The following LRRC7 variants were observed in gnomAD, a reference collection of about 807,000 sequenced individuals.
LRRC7 encodes leucine rich repeat containing 7.
LRRC7 carries 23 observed loss-of-function variants against 175.7 expected under a neutral mutation model. The observed-to-expected ratio is 0.13, with a 90% CI of 0.09 to 0.19. The LOEUF (loss-of-function observed/expected upper bound fraction) is 0.19, where lower values mean the gene tolerates loss of function less well. LRRC7 is among the 10% of genes least tolerant of loss of function. The probability of loss-of-function intolerance (pLI) is 1.00; values close to 1 mark genes in which losing one functional copy is unlikely to be tolerated. For synonymous variants in LRRC7, 685 were observed against 680.9 expected, an observed-to-expected ratio of 1.01 and a Z score of -0.09; for missense variants, 1,354 against 1,904.7, an observed-to-expected ratio of 0.71 and a Z score of 5.38.
At chr1:70,075,634 G>A (rs1662717933) in intron 23 of LRRC7, among the ~76,000 whole-genome samples, 1 of 152,160 alleles carries the variant, frequency 6.6e-6, no homozygotes. Context: ...TTACTCATCT[G>A]AACAAACTTA....
intron 7 of LRRC7, among the ~76,000 whole-genome samples, chr1:69,925,704 G>A (rs1165124584): frequency 1.3e-5 from 2 of 151,950 alleles, no homozygotes; most frequent in African/African-American, 4.8e-5. Context: ...TTCTTTATTA[G>A]TCTTGCTAGC....
At chr1:70,095,969 T>C (rs745876678) in intron 25 of LRRC7, among the ~76,000 whole-genome samples, 13 of 151,966 alleles carry the variant, frequency 8.6e-5, no homozygotes, top group Admixed American at 3.9e-4. Context: ...GTTGTTTTTT[T>C]TGTTTTTTTT....
At chr1:70,046,582 C>G (rs1660348357) in intron 22 of LRRC7, among the ~76,000 whole-genome samples, 1 of 152,042 alleles carries the variant, frequency 6.6e-6, no homozygotes, top group Non-Finnish European at 1.5e-5. Context: ...ATGCATTACT[C>G]CAAAAGATTT....
intron 7 of LRRC7, among the ~76,000 whole-genome samples, chr1:69,918,675 A>T (rs1302092203): frequency 6.6e-6 from 1 of 152,216 alleles, no homozygotes; most frequent in African/African-American, 2.4e-5. Context: ...AATATTTTAA[A>T]GGTACAAAAC....
intron 3 of LRRC7, among the ~76,000 whole-genome samples, chr1:69,773,461 CTG>C (rs1672464523): frequency 6.6e-6 from 1 of 152,124 alleles, no homozygotes; most frequent in South Asian, 2.1e-4. Context: ...AAGTGACAAA[CTG>C]AGAGGGTGAG....
chr1:69,597,369 A>G (rs1646884176), intron 1 of LRRC7, among the ~76,000 whole-genome samples: 1 of 152,182 alleles, frequency 6.6e-6, no homozygotes, highest in Non-Finnish European at 1.5e-5. Flanking sequence ...ACCTGTCTGA[A>G]GAATCATTAC....
At chr1:70,116,468 G>A (rs1236841197) in intron 26 of LRRC7, among the ~76,000 whole-genome samples, 1 of 150,052 alleles carries the variant, frequency 6.7e-6, no homozygotes, top group Admixed American at 6.7e-5. Context: ...AATGGCGTGA[G>A]CCCGGGAGGC....
chr1:69,750,137 GC>G (rs1264896192), intron 2 of LRRC7, among the ~76,000 whole-genome samples: 1 of 151,370 alleles, frequency 6.6e-6, no homozygotes, highest in Non-Finnish European at 1.5e-5. Context: ...TGAATGTCAA[GC>G]TAAAGAATCT....
At chr1:69,763,509 G>A (rs1671265807) in intron 3 of LRRC7, among the ~76,000 whole-genome samples, 1 of 152,018 alleles carries the variant, frequency 6.6e-6, no homozygotes, top group African/African-American at 2.4e-5. Flanking sequence ...GCTACTATAA[G>A]AAAAGTGGGA....
intron 8 of LRRC7, among the ~76,000 whole-genome samples, chr1:69,963,706 A>AT (rs1353899432): frequency 6.6e-6 from 1 of 152,196 alleles, no homozygotes; most frequent in Non-Finnish European, 1.5e-5. Context: ...TTACTCTTAA[A>AT]TTTAGATTCA....
At chr1:69,869,408 G>GT (rs1406442646) in intron 7 of LRRC7, among the ~76,000 whole-genome samples, 1 of 151,804 alleles carries the variant, frequency 6.6e-6, no homozygotes, top group Non-Finnish European at 1.5e-5. Context: ...ATCAATGAAG[G>GT]TTAAAAAAAA....
At chr1:69,603,123 A>ATG (rs143960989) in intron 1 of LRRC7, among the ~76,000 whole-genome samples, 13,889 of 151,990 alleles carry the variant, frequency 0.091, 1,142 homozygotes, top group African/African-American at 0.22. Context: ...TTTCCCCTTT[A>ATG]TGTCATTTCT....
chr1:69,712,199 C>T (rs1664830510), intron 2 of LRRC7, among the ~76,000 whole-genome samples: 10 of 151,704 alleles, frequency 6.6e-5, no homozygotes, highest in Admixed American at 5.9e-4. Flanking sequence ...AAGTGTACCC[C>T]CAACCAATGA....
chr1:69,576,362 T>C (rs924947688), intron 1 of LRRC7, among the ~76,000 whole-genome samples: 1 of 152,176 alleles, frequency 6.6e-6, no homozygotes, highest in African/African-American at 2.4e-5. Context: ...TCATTTATAT[T>C]TTTTCTAATG....
intron 1 of LRRC7, among the ~76,000 whole-genome samples, chr1:69,633,718 C>G (rs1036052336): frequency 6.6e-6 from 1 of 152,094 alleles, no homozygotes; most frequent in South Asian, 2.1e-4. Context: ...CATGAGCCAC[C>G]GTGCCCAGCC....
In LRRC7 at chr1:69,664,837, G is replaced by T. The variant is rs227118; in HGVS notation, c.3-13544G>T. 2.2e-3 allele frequency among the ~76,000 whole-genome samples: 330 copies of T among 152,188 alleles called. 1 individual carries two copies. The highest frequency in any genetic ancestry group is 4.0e-3 in the Non-Finnish European group (272 of 67,986). On this transcript the variant is annotated intron_variant, in intron 1 of 26. Coordinates refer to ENST00000651989, the MANE Select transcript of LRRC7 (RefSeq NM_001370785.2). ...GATCCTATTTGTCTGTTTGGGCTTG[G>T]TTGCCTGTGCTTTTGGGGTACTCTT...
intron 10 of LRRC7, among the ~76,000 whole-genome samples, chr1:69,987,673 A>T (rs1281395617): frequency 6.6e-6 from 1 of 152,216 alleles, no homozygotes; most frequent in East Asian, 1.9e-4. Context: ...GCCATATCCT[A>T]GGTAATCCAG....
intron 2 of LRRC7, among the ~76,000 whole-genome samples, chr1:69,698,364 A>G (rs1489767348): frequency 6.6e-6 from 1 of 152,220 alleles, no homozygotes; most frequent in Non-Finnish European, 1.5e-5. Flanking sequence ...TATACTGATG[A>G]CAGTCTATCT....
chr1:69,890,680 G>A (rs980170484), intron 7 of LRRC7, among the ~76,000 whole-genome samples: 1 of 152,314 alleles, frequency 6.6e-6, no homozygotes, highest in Admixed American at 6.5e-5. Flanking sequence ...TCCAAAGGAA[G>A]GCTATTTTAT....
Sources: allele counts gnomAD v4.1 joint callset (sites outside exome capture counted in the v4.1 genomes callset), GRCh38; gene constraint gnomAD v4.1.1; transcripts MANE v1.5; gene names NCBI Gene and HGNC (gene_info 2026-07-23, HGNC 2026-07-21).